The following KDM4C variants were observed in gnomAD, a reference collection of about 807,000 sequenced individuals.
The protein encoded by KDM4C is lysine-specific demethylase 4C.
A neutral mutation model predicts 129.3 loss-of-function variants in KDM4C; 81 were observed. The observed-to-expected ratio is 0.63, with a 90% CI of 0.52 to 0.75. KDM4C has a LOEUF of 0.75. KDM4C is among the 30% of genes least tolerant of loss of function. The probability of loss-of-function intolerance (pLI) is 0.00; values close to 1 mark genes in which losing one functional copy is unlikely to be tolerated. For missense variants in KDM4C, 1,457 were observed against 1,304.0 expected (o/e 1.12, Z -1.81); for synonymous variants, 573 against 456.1 (o/e 1.26, Z -3.26).
At chr9:7,059,020 G>A (rs777350418) in intron 17 of KDM4C, among the ~76,000 whole-genome samples, 2 of 152,190 alleles carry the variant, frequency 1.3e-5, no homozygotes, top group Non-Finnish European at 2.9e-5. Context: ...CCATCAGTGT[G>A]ATAATTTCCC....
intron 17 of KDM4C, among the ~76,000 whole-genome samples, chr9:7,059,729 A>G (rs969867781): frequency 6.6e-6 from 1 of 152,234 alleles, no homozygotes; most frequent in Non-Finnish European, 1.5e-5. Flanking sequence ...ACTCTCTTTT[A>G]TTAAACTGGG....
intron 8 of KDM4C, among the ~76,000 whole-genome samples, chr9:6,964,781 CAAAAAAAA>C (rs369795659): frequency 1.9e-5 from 1 of 53,856 alleles, no homozygotes; most frequent in Admixed American, 2.3e-4. Context: ...GACTCCGTCT[CAAAAAAAA>C]AAAAAAAAAA....
intron 8 of KDM4C, among the ~76,000 whole-genome samples, chr9:6,979,528 G>T (rs1455074187): frequency 3.3e-5 from 5 of 152,142 alleles, no homozygotes; most frequent in Admixed American, 2.0e-4. Flanking sequence ...CTCATTGGTG[G>T]AGTAAAGTCT....
rs71315564 is a variant in KDM4C at position 6,790,682 on chromosome 9, A to AAAAAG, written c.-17-2290_-17-2289insAAAAG. Among the ~76,000 whole-genome samples, 134 of 113,174 alleles carry AAAAAG rather than the reference A, an allele frequency of 1.2e-3. 5 individuals are homozygous for AAAAAG. The highest frequency in any genetic ancestry group is 1.9e-3 in the East Asian group (7 of 3,658). The allele number at this position is 113,174 out of a possible 152,430, so 74.2% of individuals were successfully genotyped here. A position where few individuals can be genotyped will look rare whatever the true frequency, so the allele number is the denominator to read the frequency against. Reference sequence around the variant, plus strand: ...AAAAAAAAAAAAAAAAAAAAAAAAAAGAGGAAAACTTTTTTCCAGGAGGAT... The same window carrying AAAAAG: ...AAAAAAAAAAAAAAAAAAAAAAAAAAAAAAGGAGGAAAACTTTTTTCCAGGAGGAT... On this transcript the variant is annotated intron_variant, in intron 1 of 21. Transcript: ENST00000381309.
At chr9:7,140,476 C>A (rs552488616) in intron 19 of KDM4C, among the ~76,000 whole-genome samples, 1 of 152,228 alleles carries the variant, frequency 6.6e-6, no homozygotes, top group South Asian at 2.1e-4. Flanking sequence ...GTGCTCAAGT[C>A]CTCTTTCTTC....
At chr9:6,744,456 C>T (rs1237353936) in intron 1 of KDM4C, among the ~76,000 whole-genome samples, 2 of 151,928 alleles carry the variant, frequency 1.3e-5, no homozygotes, top group Non-Finnish European at 2.9e-5. Context: ...ACCTGGGAGG[C>T]GGAGGTTGCA....
chr9:6,867,022 T>C (rs1173274172), intron 5 of KDM4C, among the ~76,000 whole-genome samples: 1 of 52,080 alleles, frequency 1.9e-5, no homozygotes. Context: ...TATATATTTT[T>C]TTTTTTTTTT....
At chr9:6,823,318 G>C (rs571858004) in intron 4 of KDM4C, among the ~76,000 whole-genome samples, 1 of 152,130 alleles carries the variant, frequency 6.6e-6, no homozygotes, top group African/African-American at 2.4e-5. Flanking sequence ...GCACCAAAAG[G>C]GGGTAGCTTA....
intron 1 of KDM4C, among the ~76,000 whole-genome samples, chr9:6,766,275 A>C (rs1820607890): frequency 6.6e-6 from 1 of 152,114 alleles, no homozygotes; most frequent in South Asian, 2.1e-4. Flanking sequence ...ATTTACTTTG[A>C]GTGTCATGTT....
chr9:6,806,650 A>G (rs960321083), intron 3 of KDM4C, among the ~76,000 whole-genome samples: 9 of 151,986 alleles, frequency 5.9e-5, no homozygotes, highest in Non-Finnish European at 1.2e-4. Context: ...GCTGGGCTAC[A>G]GTCATCTGAG....
chr9:6,929,243 C>G (rs905582646), intron 8 of KDM4C, among the ~76,000 whole-genome samples: 1 of 152,130 alleles, frequency 6.6e-6, no homozygotes, highest in South Asian at 2.1e-4. Flanking sequence ...TCATTGAAGA[C>G]ACATGTTTAG....
chr9:6,796,714 A>G (rs979729573), intron 2 of KDM4C, among the ~76,000 whole-genome samples: 1 of 152,250 alleles, frequency 6.6e-6, no homozygotes, highest in African/African-American at 2.4e-5. Context: ...AGTTGGAGAC[A>G]TTAATTTACT....
chr9:7,160,774 C>G (rs1050424435), intron 19 of KDM4C, among the ~76,000 whole-genome samples: 3 of 152,202 alleles, frequency 2.0e-5, no homozygotes, highest in South Asian at 4.1e-4. Context: ...CCCAGTTAGG[C>G]TACATGGGAG....
chr9:6,925,428 C>G (rs1275544089), intron 8 of KDM4C: 2 of 949,320 alleles, frequency 2.1e-6, no homozygotes, highest in South Asian at 9.8e-5. Context: ...CCCCTTCCTC[C>G]TTTCCCCTTT....
At chr9:6,987,109 C>G (rs1817857630) in intron 11 of KDM4C, among the ~76,000 whole-genome samples, 1 of 152,144 alleles carries the variant, frequency 6.6e-6, no homozygotes, top group South Asian at 2.1e-4. Context: ...CAGAAGAATT[C>G]ATCTGCTGGG....
intron 12 of KDM4C, among the ~76,000 whole-genome samples, chr9:7,010,269 C>T (rs1822451003): frequency 6.6e-6 from 1 of 152,148 alleles, no homozygotes; most frequent in South Asian, 2.1e-4. Flanking sequence ...AAATACTCTA[C>T]CCATGGGTGA....
intron 18 of KDM4C, among the ~76,000 whole-genome samples, chr9:7,125,227 C>T (rs2133326117): frequency 6.6e-6 from 1 of 152,278 alleles, no homozygotes; most frequent in South Asian, 2.1e-4. Flanking sequence ...CTGTTTCCTG[C>T]TTCTGGGCCT....
chr9:6,879,155 A>G (rs890473033), intron 5 of KDM4C, among the ~76,000 whole-genome samples: 5 of 152,158 alleles, frequency 3.3e-5, no homozygotes, highest in African/African-American at 1.2e-4. Context: ...TTGAGCTAGT[A>G]AGTACAGCAA....
intron 8 of KDM4C, among the ~76,000 whole-genome samples, chr9:6,913,128 G>C (rs1819630803): frequency 6.6e-6 from 1 of 152,068 alleles, no homozygotes; most frequent in South Asian, 2.1e-4. Context: ...TTAGTTCTGT[G>C]TTTGCAGCTA....
Sources: allele counts gnomAD v4.1 joint callset (sites outside exome capture counted in the v4.1 genomes callset), GRCh38; gene constraint gnomAD v4.1.1; transcripts MANE v1.5; gene names NCBI Gene and HGNC (gene_info 2026-07-23, HGNC 2026-07-21).